Variants in SLC35F3 observed in about 807,000 individuals in gnomAD.
SLC35F3 encodes the protein putative thiamine transporter SLC35F3.
In SLC35F3, 25 loss-of-function variants were observed where a neutral mutation model predicts 49.9. The observed-to-expected ratio is 0.50, with a 90% CI of 0.37 to 0.70. The LOEUF (loss-of-function observed/expected upper bound fraction) is 0.70, where lower values mean the gene tolerates loss of function less well. SLC35F3 is among the 30% of genes least tolerant of loss of function. SLC35F3 has a pLI of 0.00. For synonymous variants in SLC35F3, 275 were observed against 265.4 expected (o/e 1.04, Z -0.35); for missense variants, 525 against 639.8 (o/e 0.82, Z 1.94).
chr1:234,307,974 A>G (rs1032968604), intron 3 of SLC35F3, among the ~76,000 whole-genome samples: 1 of 152,228 alleles, frequency 6.6e-6, no homozygotes, highest in Non-Finnish European at 1.5e-5. Flanking sequence ...TTCTGCATGT[A>G]GAAGACTGGC....
intron 3 of SLC35F3, among the ~76,000 whole-genome samples, chr1:234,277,214 G>T (rs1407319295): frequency 6.6e-6 from 1 of 152,244 alleles, no homozygotes; most frequent in Non-Finnish European, 1.5e-5. Flanking sequence ...CCGGCGGTAG[G>T]TTGGGGGTTG....
At chr1:234,151,376 A>T (rs1666073776) in intron 2 of SLC35F3, among the ~76,000 whole-genome samples, 1 of 152,132 alleles carries the variant, frequency 6.6e-6, no homozygotes, top group African/African-American at 2.4e-5. Context: ...GAAAAATATT[A>T]AAGTAAAATC....
rs551255728 is a variant in SLC35F3 at position 234,322,940 on chromosome 1, C to T, written c.1238-68C>T. The T allele has an allele frequency of 2.5e-5, 34 of 1,374,322 alleles. No individual in the cohort carries two copies. In the African/African-American group the frequency reaches 4.3e-4, roughly 17 times the overall value. 85.1% of individuals were successfully genotyped at this position (1,374,322 alleles called of 1,614,324 possible). On this transcript the variant is annotated intron_variant, in intron 7 of 7. Coordinates refer to ENST00000366618, the MANE Select transcript of SLC35F3 (RefSeq NM_173508.4). ...AGACAGAGGAGGGTGCCCCCAGGCC[C>T]TGCCCACTCTCCAGGGACATGCCCC... is the stretch of plus-strand genomic sequence containing the variant.
chr1:234,103,953 T>C (rs1665248110), intron 2 of SLC35F3, among the ~76,000 whole-genome samples: 1 of 152,176 alleles, frequency 6.6e-6, no homozygotes, highest in Admixed American at 6.5e-5. Context: ...ATAGAGAAGT[T>C]CCAGCAGCCT....
At chr1:234,047,720 G>A (rs1664315560) in intron 2 of SLC35F3, among the ~76,000 whole-genome samples, 1 of 151,950 alleles carries the variant, frequency 6.6e-6, no homozygotes, top group South Asian at 2.1e-4. Context: ...CACAGGATCT[G>A]TTACTCTGGA....
intron 2 of SLC35F3, among the ~76,000 whole-genome samples, chr1:234,031,421 G>T (rs958484082): frequency 2.6e-5 from 4 of 152,196 alleles, no homozygotes; most frequent in Admixed American, 6.5e-5. Context: ...GGCTACTGAT[G>T]CCATAGAATG....
intron 2 of SLC35F3, among the ~76,000 whole-genome samples, chr1:234,127,445 G>A (rs1386367076): frequency 1.3e-5 from 2 of 152,152 alleles, no homozygotes; most frequent in Non-Finnish European, 2.9e-5. Context: ...CTTACATCGT[G>A]TGCTGCCAGG....
At chr1:234,192,349 C>T (rs1427223183) in intron 2 of SLC35F3, among the ~76,000 whole-genome samples, 6 of 152,140 alleles carry the variant, frequency 3.9e-5, no homozygotes, top group African/African-American at 7.2e-5. Context: ...AAACAAAAAT[C>T]ACATGATCAT....
rs2102884202 is a variant in SLC35F3, at chr1:234,105,143, A to AAAG, written c.284-126274_284-126273insAAG. ...ACTCCGTTAAAAAAAAAAAAAAAAA[A>AAAG]CCTTTGGGCTCCAACCCTCTTTGAG... On this transcript the variant is annotated intron_variant, in intron 2 of 7. Transcript: ENST00000366618. Among the ~76,000 whole-genome samples the AAAG allele has an allele frequency of 1.3e-5, 2 of 150,716 alleles. 1 individual carries two copies. Among genetic ancestry groups the AAAG allele is most frequent in the African/African-American group, 4.9e-5 (2 of 40,998 alleles).
Position 234,218,268 on chromosome 1 carries a change from T to C in SLC35F3, c.284-13149T>C, listed in dbSNP as rs148447912. Among the ~76,000 whole-genome samples, 127 of 152,246 alleles carry C rather than the reference T, an allele frequency of 8.3e-4. 1 individual carries two copies. The highest frequency in any genetic ancestry group is 3.0e-3 in the African/African-American group (124 of 41,538). ...AATTACATTCAATAGGGATTAATCATTGAGAACAGTACAATGAATTCCCCC... is the reference window on the plus strand; with the variant it reads ...AATTACATTCAATAGGGATTAATCACTGAGAACAGTACAATGAATTCCCCC... On this transcript the variant is annotated intron_variant, in intron 2 of 7. Coordinates refer to ENST00000366618, the MANE Select transcript of SLC35F3 (RefSeq NM_173508.4).
intron 2 of SLC35F3, among the ~76,000 whole-genome samples, chr1:233,990,479 G>T (rs182003125): frequency 1.3e-5 from 2 of 152,138 alleles, no homozygotes; most frequent in African/African-American, 4.8e-5. Context: ...AAAATGGGAC[G>T]AAGTTAGTCA....
At chr1:234,274,683 G>A (rs923483112) in intron 3 of SLC35F3, among the ~76,000 whole-genome samples, 8 of 152,220 alleles carry the variant, frequency 5.3e-5, no homozygotes, top group Admixed American at 1.3e-4. Flanking sequence ...AAGCCAAGGC[G>A]ATTGTGATGG....
intron 2 of SLC35F3, among the ~76,000 whole-genome samples, chr1:233,975,489 G>T (rs1007783802): frequency 1.4e-4 from 21 of 152,236 alleles, no homozygotes; most frequent in African/African-American, 1.4e-4. Context: ...ATTGTGTTTG[G>T]GGGGAGAATG....
At chr1:234,292,736 G>A (rs572730168) in intron 3 of SLC35F3, among the ~76,000 whole-genome samples, 6 of 152,308 alleles carry the variant, frequency 3.9e-5, no homozygotes, top group African/African-American at 1.4e-4. Flanking sequence ...CTTATGAACT[G>A]TCAGTTCCCT....
chr1:233,968,184 C>T (rs372015316), intron 2 of SLC35F3, among the ~76,000 whole-genome samples: 13 of 152,132 alleles, frequency 8.5e-5, no homozygotes, highest in Middle Eastern at 3.2e-3. Flanking sequence ...TCCATCACTC[C>T]AATCTCTGCC....
intron 2 of SLC35F3, among the ~76,000 whole-genome samples, chr1:234,215,385 G>T (rs777444536): frequency 3.3e-5 from 5 of 152,174 alleles, no homozygotes; most frequent in African/African-American, 7.2e-5. Context: ...AATGGAGAAG[G>T]GGGGCAGAGG....
chr1:234,278,015 G>A (rs760342356), intron 3 of SLC35F3, among the ~76,000 whole-genome samples: 13 of 152,142 alleles, frequency 8.5e-5, no homozygotes, highest in Non-Finnish European at 1.5e-4. Context: ...GCAACATGGT[G>A]AAACCCCATC....
At chr1:234,084,035 C>A (rs1339510976) in intron 2 of SLC35F3, among the ~76,000 whole-genome samples, 1 of 151,994 alleles carries the variant, frequency 6.6e-6, no homozygotes, top group African/African-American at 2.4e-5. Context: ...GATGGGGTTT[C>A]TCCATGTTGG....
chr1:234,291,584 G>T (rs922521890), intron 3 of SLC35F3, among the ~76,000 whole-genome samples: 1 of 152,100 alleles, frequency 6.6e-6, no homozygotes, highest in African/African-American at 2.4e-5. Context: ...CTACAGGCAC[G>T]TACCACCACA....
Sources: gnomAD v4.1 joint callset for allele counts (sites outside exome capture counted in the v4.1 genomes callset) on GRCh38, gnomAD v4.1.1 for gene constraint, MANE v1.5 for transcripts, NCBI Gene and HGNC (gene_info 2026-07-23, HGNC 2026-07-21) for gene names.